The following RCOR1 variants were observed in gnomAD, a reference collection of about 807,000 sequenced individuals.
RCOR1 encodes REST corepressor 1, also known as REST corepressor.
Under a neutral mutation model 64.0 loss-of-function variants are expected in RCOR1, and 12 were observed. That is an observed-to-expected ratio of 0.19 (90% CI 0.12 to 0.30). RCOR1 has a LOEUF of 0.30. RCOR1 is among the 10% of genes least tolerant of loss of function. The probability of loss-of-function intolerance (pLI) is 1.00; values close to 1 mark genes in which losing one functional copy is unlikely to be tolerated. For synonymous variants in RCOR1, 279 were observed against 227.2 expected (o/e 1.23, Z -2.05); for missense variants, 502 against 621.2 (o/e 0.81, Z 2.04).
At chr14:102,618,130 C>T (rs768140578) in intron 2 of RCOR1, among the ~76,000 whole-genome samples, 8 of 151,666 alleles carry the variant, frequency 5.3e-5, no homozygotes, top group Non-Finnish European at 7.4e-5. Flanking sequence ...TGCCCCACCA[C>T]GTCTGGCTAA....
chr14:102,630,958 G>T (rs533913307), intron 2 of RCOR1, among the ~76,000 whole-genome samples: 1 of 151,994 alleles, frequency 6.6e-6, no homozygotes. Flanking sequence ...GTAGTCTCAC[G>T]ACCTCTCCTT....
rs761550969 is a variant in RCOR1, at chr14:102,593,270, C to T, written c.306C>T (p.Gly102=). The change falls in exon 2 of 12, where the codon GGC becomes GGT. Residue 102 remains glycine, a synonymous_variant. Coordinates refer to ENST00000262241, the MANE Select transcript of RCOR1 (RefSeq NM_015156.4). ...SGSSSDEEHG[G]GGMRVGPQYQ... Reference sequence around the variant, plus strand: ...CGTATTCTGCTTCCCCCGCAGGTGGCGGTGGCATGAGGGTCGGACCCCAGT... The same window carrying T: ...CGTATTCTGCTTCCCCCGCAGGTGGTGGTGGCATGAGGGTCGGACCCCAGT... 6.5e-7 allele frequency: 1 copy of T among 1,533,430 alleles called. No homozygotes were observed. The highest frequency in any genetic ancestry group is 8.7e-7 in the Non-Finnish European group (1 of 1,145,472). The allele number at this position is 1,533,430 out of a possible 1,614,324, so 95.0% of individuals were successfully genotyped here.
intron 2 of RCOR1, among the ~76,000 whole-genome samples, chr14:102,677,859 G>A (rs1005292771): frequency 3.3e-5 from 5 of 151,606 alleles, no homozygotes; most frequent in South Asian, 4.2e-4. Flanking sequence ...CGGCTGGGAG[G>A]TGGAGGTTGT....
intron 2 of RCOR1, among the ~76,000 whole-genome samples, chr14:102,641,709 A>C (rs1359284562): frequency 6.6e-6 from 1 of 152,176 alleles, no homozygotes; most frequent in East Asian, 1.9e-4. Flanking sequence ...CATTTTACTC[A>C]TATAAGGAAA....
chr14:102,593,511 C>T (rs1234633752), intron 2 of RCOR1, among the ~76,000 whole-genome samples, 186 bp downstream of exon 2: 1 of 152,230 alleles, frequency 6.6e-6, no homozygotes, highest in Non-Finnish European at 1.5e-5. Flanking sequence ...AAACGTGCCT[C>T]TGCACCCGGG....
rs554429948 is a variant in RCOR1, at chr14:102,721,808, C to T, written c.1190-379C>T. 1.4e-4 allele frequency among the ~76,000 whole-genome samples: 21 copies of T among 152,228 alleles called. No homozygotes were observed. The South Asian group carries it at 3.9e-3, about 29-fold the overall frequency. On this transcript the variant is annotated intron_variant, in intron 10 of 11. Transcript: ENST00000262241. Reference sequence around the variant, plus strand: ...GTATTTCATTTTACTAGTTACTCATCGAGCTCTGACTAGCCAGGAAGTACA... The same window carrying T: ...GTATTTCATTTTACTAGTTACTCATTGAGCTCTGACTAGCCAGGAAGTACA...
At chr14:102,630,908 T>C (rs1453456491) in intron 2 of RCOR1, among the ~76,000 whole-genome samples, 1 of 152,102 alleles carries the variant, frequency 6.6e-6, no homozygotes, top group Non-Finnish European at 1.5e-5. Flanking sequence ...CTTGCTCCAC[T>C]GTGATCTGGA....
intron 2 of RCOR1, among the ~76,000 whole-genome samples, chr14:102,639,672 T>TA (rs1894324618): frequency 6.6e-6 from 1 of 150,768 alleles, no homozygotes; most frequent in South Asian, 2.1e-4. Context: ...TAGCTGGGAT[T>TA]ACAGGCACCT....
At chr14:102,620,532 A>G (rs990081190) in intron 2 of RCOR1, among the ~76,000 whole-genome samples, 1 of 152,150 alleles carries the variant, frequency 6.6e-6, no homozygotes, top group South Asian at 2.1e-4. Flanking sequence ...GTGCCGTTGT[A>G]CTTCAGCATC....
chr14:102,710,305 C>T (rs953411315), intron 6 of RCOR1, among the ~76,000 whole-genome samples: 1 of 152,158 alleles, frequency 6.6e-6, no homozygotes, highest in Non-Finnish European at 1.5e-5. Context: ...TACATCGGGG[C>T]TTTTCTTGTT....
intron 4 of RCOR1, among the ~76,000 whole-genome samples, chr14:102,705,100 C>G (rs1018133023): frequency 1.1e-4 from 16 of 151,742 alleles, no homozygotes; most frequent in Admixed American, 4.6e-4. Flanking sequence ...CACTCTAGAT[C>G]ACAACTCTAT....
At chr14:102,704,212 C>T (rs1895805047) in intron 4 of RCOR1, among the ~76,000 whole-genome samples, 1 of 152,212 alleles carries the variant, frequency 6.6e-6, no homozygotes, top group African/African-American at 2.4e-5. Context: ...CAATCCTGTA[C>T]TCTTCTCTAG....
Position 102,593,054 on chromosome 14 carries a change from C to CGCCGCCGCCTCA in RCOR1, c.178_189dup (p.Ser60_Ala63dup), listed in dbSNP as rs1383565778. On this transcript the variant is annotated inframe_insertion, in exon 1 of 12. Coordinates refer to ENST00000262241, the MANE Select transcript of RCOR1 (RefSeq NM_015156.4). ...GCGCCGCCGCCTCCTCAGCCTCGGC[C>CGCCGCCGCCTCA]GCCGCCGCCTCAGCCGCCGCCGCCC... is the stretch of plus-strand genomic sequence containing the variant. The CGCCGCCGCCTCA allele has an allele frequency of 3.6e-6, 5 of 1,387,214 alleles. No individual in the cohort carries two copies. The highest frequency in any genetic ancestry group is 1.5e-5 in the African/African-American group (1 of 65,376). The allele number at this position is 1,387,214 out of a possible 1,614,324, so 85.9% of individuals were successfully genotyped here.
intron 11 of RCOR1, among the ~76,000 whole-genome samples, chr14:102,724,410 C>T (rs1896223479): frequency 6.6e-6 from 1 of 152,070 alleles, no homozygotes; most frequent in South Asian, 2.1e-4. Context: ...CTGCAACCTC[C>T]ATCTCCCAGG....
chr14:102,726,695 C>T lies in RCOR1; in HGVS notation c.*189C>T. 1.7e-6 allele frequency: 1 copy of T among 576,648 alleles called. No homozygotes were observed. Among genetic ancestry groups the T allele is most frequent in the Non-Finnish European group, 3.0e-6 (1 of 331,920 alleles). The allele number at this position is 576,648 out of a possible 1,614,324, so 35.7% of individuals were successfully genotyped here. A position where few individuals can be genotyped will look rare whatever the true frequency, so the allele number is the denominator to read the frequency against. On this transcript the variant is annotated 3_prime_UTR_variant, in exon 12 of 12. Transcript: ENST00000262241. ...TGCTCGTTCCTCCATGTTGGCGCCA[C>T]TTCCCAGAGAGCTCCACTGCATCTC...
chr14:102,700,838 A>T (rs558177368), intron 3 of RCOR1, among the ~76,000 whole-genome samples: 1 of 152,304 alleles, frequency 6.6e-6, no homozygotes, highest in East Asian at 1.9e-4. Context: ...GTCCGTTTTT[A>T]TGCTGTTGGT....
chr14:102,648,696 C>G (rs1894522814), intron 2 of RCOR1, among the ~76,000 whole-genome samples: 1 of 152,184 alleles, frequency 6.6e-6, no homozygotes, highest in South Asian at 2.1e-4. Flanking sequence ...CCATTTTGAT[C>G]CAACATCATA....
chr14:102,669,017 G>C (rs1416723902), intron 2 of RCOR1, among the ~76,000 whole-genome samples: 1 of 152,090 alleles, frequency 6.6e-6, no homozygotes, highest in Non-Finnish European at 1.5e-5. Context: ...CCAGACAGGA[G>C]GTATATAGTT....
At chr14:102,701,035 G>A (rs2139978130) in intron 3 of RCOR1, among the ~76,000 whole-genome samples, 1 of 152,298 alleles carries the variant, frequency 6.6e-6, no homozygotes, top group Non-Finnish European at 1.5e-5. Context: ...ATCAGATCTT[G>A]TGAGACTTAC....
Sources: allele counts gnomAD v4.1 joint callset (sites outside exome capture counted in the v4.1 genomes callset), GRCh38; gene constraint gnomAD v4.1.1; transcripts MANE v1.5; gene names NCBI Gene and HGNC (gene_info 2026-07-23, HGNC 2026-07-21).